PEPD: variants seen among roughly 807,000 people sequenced by gnomAD.
PEPD encodes xaa-Pro dipeptidase.
A neutral mutation model predicts 60.7 loss-of-function variants in PEPD; 53 were observed. The observed-to-expected ratio is 0.87, with a 90% CI of 0.70 to 1.10. The LOEUF is 1.10. PEPD is among the 50% of genes least tolerant of loss of function. PEPD has a pLI of 0.00. For missense variants in PEPD, 711 were observed against 711.9 expected, an observed-to-expected ratio of 1.00 and a Z score of 0.01; for synonymous variants, 267 against 284.1, an observed-to-expected ratio of 0.94 and a Z score of 0.60.
intron 9 of PEPD, among the ~76,000 whole-genome samples, chr19:33,457,260 T>C (rs1366617490): frequency 6.6e-6 from 1 of 152,034 alleles, no homozygotes; most frequent in Non-Finnish European, 1.5e-5. Context: ...GGCAAAACTC[T>C]ATCTCTACGA....
Position 33,388,020 on chromosome 19 carries a change from G to A in PEPD, c.1214C>T (p.Pro405Leu), listed in dbSNP as rs766962619. The change falls in exon 14 of 15, where the codon CCA (proline) becomes CTA (leucine). Residue 405 changes from proline to leucine, a missense_variant. Pro to Leu is a moderately conservative substitution (Grantham distance 98). Transcript: ENST00000244137. ...RSLRTARHLQ[P>L]GMVLTVEPGI... ...CGGCTCCACGGTGAGCACCATGCCT[G>A]GCTGCAGGTGCCGTGCAGTGCGCAG... The A allele has an allele frequency of 1.9e-6, 3 of 1,568,336 alleles. No individual in the cohort carries two copies. The highest frequency in any genetic ancestry group is 1.9e-5 in the Admixed American group (1 of 53,052).
At chr19:33,520,079 A>G (rs951396593) in intron 1 of PEPD, among the ~76,000 whole-genome samples, 1 of 150,878 alleles carries the variant, frequency 6.6e-6, no homozygotes, top group African/African-American at 2.4e-5. Flanking sequence ...AAAAAAAAAG[A>G]AAGAGAAAAA....
At chr19:33,408,253 GC>G (rs1241773443) in intron 11 of PEPD, among the ~76,000 whole-genome samples, 2 of 152,240 alleles carry the variant, frequency 1.3e-5, no homozygotes, top group Non-Finnish European at 2.9e-5. Flanking sequence ...CCTGAGCTCT[GC>G]CTGTGGCTCC....
chr19:33,513,414 TCCC>T (rs1218179708), intron 1 of PEPD, among the ~76,000 whole-genome samples: 1 of 151,302 alleles, frequency 6.6e-6, no homozygotes, highest in East Asian at 2.0e-4. Flanking sequence ...CTCCCCAGCC[TCCC>T]CCGACACAAA....
intron 7 of PEPD, among the ~76,000 whole-genome samples, chr19:33,469,515 G>A (rs925298948): frequency 3.3e-5 from 5 of 152,134 alleles, no homozygotes; most frequent in African/African-American, 7.2e-5. Context: ...GCCAGCAGAT[G>A]GGTCCACTCT....
intron 12 of PEPD, among the ~76,000 whole-genome samples, 196 bp downstream of exon 12, chr19:33,401,525 C>T (rs1391023755): frequency 6.6e-6 from 1 of 152,206 alleles, no homozygotes; most frequent in African/African-American, 2.4e-5. Flanking sequence ...TTCTGTCTGT[C>T]CCTGCCTGGT....
At chr19:33,458,801 G>T (rs66538717) in intron 9 of PEPD, among the ~76,000 whole-genome samples, 167 of 6,032 alleles carry the variant, frequency 0.028, 1 homozygote, top group African/African-American at 0.047. Flanking sequence ...GTGTGGTATA[G>T]GGCATGTGTG....
At chr19:33,446,713 A>G (rs946620729) in intron 9 of PEPD, among the ~76,000 whole-genome samples, 2 of 152,212 alleles carry the variant, frequency 1.3e-5, no homozygotes, top group African/African-American at 4.8e-5. Context: ...ACGGCTGCTC[A>G]CCACCCAGAG....
chr19:33,418,792 G>A (rs10409271), intron 9 of PEPD, among the ~76,000 whole-genome samples: 9,851 of 152,266 alleles, frequency 0.065, 1,090 homozygotes, highest in African/African-American at 0.22. Flanking sequence ...ACAAAGCTAG[G>A]AATGAGCACC....
chr19:33,394,261 C>T (rs766838902), intron 12 of PEPD, among the ~76,000 whole-genome samples: 1 of 152,242 alleles, frequency 6.6e-6, no homozygotes, highest in East Asian at 1.9e-4. Flanking sequence ...GAAGTGCAGC[C>T]AGCTTTCCAA....
rs121917725 is a variant in PEPD, at chr19:33,411,697, G to C, written c.793C>G (p.Arg265Gly). ...HYGHAGAPND[R>G]TIQNGDMCLF... is the part of the protein sequence containing the mutation. ...CACATATCCCCATTCTGGATCGTTCGGTCGTTGGGAGCTCCGGCGTGTCCG... is the reference window on the plus strand; with the variant it reads ...CACATATCCCCATTCTGGATCGTTCCGTCGTTGGGAGCTCCGGCGTGTCCG... The change falls in exon 11 of 15, where the codon CGA (arginine) becomes GGA (glycine). Residue 265 changes from arginine (R) to glycine (G), a missense_variant. Physicochemically the swap from Arg to Gly is moderately radical, Grantham distance 125 (BLOSUM62 -2). Transcript: ENST00000244137. 1 of 1,609,466 alleles carries C rather than the reference G, an allele frequency of 6.2e-7. No homozygotes were observed. The highest frequency in any genetic ancestry group is 8.5e-7 in the Non-Finnish European group (1 of 1,176,134).
At chr19:33,516,258 A>G (rs531001494) in intron 1 of PEPD, among the ~76,000 whole-genome samples, 61 of 152,300 alleles carry the variant, frequency 4.0e-4, no homozygotes, top group Middle Eastern at 3.4e-3. Context: ...AATTCGGCAA[A>G]TGTAGCACCA....
chr19:33,389,161 G>T (rs1032450540), intron 13 of PEPD: 2 of 152,314 alleles, frequency 1.3e-5, no homozygotes, highest in Non-Finnish European at 2.9e-5. Context: ...CGCTGGGCAC[G>T]GCCAGAGAGG....
intron 13 of PEPD, among the ~76,000 whole-genome samples, chr19:33,389,502 C>A (rs1010310094): frequency 2.0e-5 from 3 of 152,138 alleles, no homozygotes; most frequent in East Asian, 3.9e-4. Context: ...TGGGCTCCCC[C>A]ACCCCACCGC....
intron 3 of PEPD, among the ~76,000 whole-genome samples, chr19:33,506,258 A>G (rs1167064943): frequency 8.0e-5 from 11 of 138,348 alleles, no homozygotes; most frequent in Non-Finnish European, 1.5e-4. Flanking sequence ...ACTCACACCC[A>G]CTACACCCCA....
At position 33,422,797 on chromosome 19, in the gene PEPD, T is replaced by C. The variant is rs62102722; in HGVS notation, c.672-9154A>G. 3.4e-3 allele frequency among the ~76,000 whole-genome samples: 490 copies of C among 145,028 alleles called. 6 individuals carry two copies. Among genetic ancestry groups the C allele is most frequent in the African/African-American group, 0.012 (452 of 37,988 alleles). On this transcript the variant is annotated intron_variant, in intron 9 of 14. Coordinates refer to ENST00000244137, the MANE Select transcript of PEPD (RefSeq NM_000285.4). ...TGATCCATCCCTCCCTCCCTCTATC[T>C]ATCCATCCATCCATCCTTCTATATC...
chr19:33,466,757 GAA>G (rs778343133), intron 7 of PEPD, among the ~76,000 whole-genome samples: 4 of 125,064 alleles, frequency 3.2e-5, no homozygotes, highest in African/African-American at 8.5e-5. Flanking sequence ...TTGTACTAAT[GAA>G]AAAAAAAAAA....
chr19:33,489,613 A>G (rs1044841179), intron 6 of PEPD, among the ~76,000 whole-genome samples: 7 of 151,930 alleles, frequency 4.6e-5, no homozygotes. Flanking sequence ...TGGGTGACAG[A>G]GCAAGACTCC....
intron 9 of PEPD, among the ~76,000 whole-genome samples, chr19:33,449,856 G>A (rs1428801223): frequency 1.3e-5 from 2 of 152,132 alleles, no homozygotes; most frequent in Admixed American, 6.5e-5. Flanking sequence ...AAATCTGTCC[G>A]GGGTGACATG....
Sources: gnomAD v4.1 joint callset for allele counts (sites outside exome capture counted in the v4.1 genomes callset) on GRCh38, gnomAD v4.1.1 for gene constraint, MANE v1.5 for transcripts, NCBI Gene and HGNC (gene_info 2026-07-23, HGNC 2026-07-21) for gene names.